The following SCUBE1 variants were observed in gnomAD, a reference collection of about 807,000 sequenced individuals.
SCUBE1 encodes signal peptide, CUB domain and EGF like domain containing 1.
SCUBE1 carries 59 observed loss-of-function variants against 124.4 expected under a neutral mutation model. That is an observed-to-expected ratio of 0.47 (90% CI 0.38 to 0.59). The LOEUF (loss-of-function observed/expected upper bound fraction) is 0.59. Ranked by LOEUF, SCUBE1 falls within the 20% of genes least tolerant of loss-of-function variation. The probability of loss-of-function intolerance (pLI) is 0.00; values close to 1 mark genes in which losing one functional copy is unlikely to be tolerated. For synonymous variants in SCUBE1, 545 were observed against 550.9 expected, an observed-to-expected ratio of 0.99 and a Z score of 0.15; for missense variants, 1,150 against 1,371.2, an observed-to-expected ratio of 0.84 and a Z score of 2.55.
At chr22:43,231,652 C>T (rs1339829293) in intron 8 of SCUBE1, 101 bp downstream of exon 8, 2 of 1,433,650 alleles carry the variant, frequency 1.4e-6, no homozygotes, top group African/African-American at 2.8e-5. Flanking sequence ...CCAGCCCCAT[C>T]CGCATTCCCC....
Position 43,339,200 on chromosome 22 carries a change from C to G in SCUBE1, c.124G>C (p.Asp42His). Residue 42 changes from aspartate to histidine, a missense_variant, in exon 2 of 22, where the codon GAT (aspartate) becomes CAT (histidine). Physicochemically the swap from Asp to His is moderately conservative, Grantham distance 81 (BLOSUM62 -1). This residue lies in a region of SCUBE1 where 337 missense variants were observed against 482.1 expected (regional missense o/e 0.70). Coordinates refer to ENST00000360835, the MANE Select transcript of SCUBE1 (RefSeq NM_173050.5). The stretch of plus-strand genomic sequence containing the variant: ...CAGATGGCATCGATGTGGCAGTCAT[C>G]TGTGCCCTCTGAGCACTCATCCACG... ...VDVDECSEGT[D>H]DCHIDAICQN... 1.2e-6 allele frequency: 2 copies of G among 1,613,816 alleles called. No individual in the cohort carries two copies. Among genetic ancestry groups the G allele is most frequent in the Middle Eastern group, 1.7e-4 (1 of 6,058 alleles).
intron 6 of SCUBE1, among the ~76,000 whole-genome samples, chr22:43,242,983 C>G: frequency 6.6e-6 from 1 of 152,230 alleles, no homozygotes; most frequent in South Asian, 2.1e-4. Context: ...TTTGTGGAAC[C>G]CAGCGCAAAA....
rs186808983 is a variant in SCUBE1 at position 43,257,744 on chromosome 22, T to C, written c.727+475A>G. 5.3e-5 allele frequency among the ~76,000 whole-genome samples: 8 copies of C among 152,356 alleles called. No individual in the cohort carries two copies. In the East Asian group the frequency reaches 1.2e-3, roughly 22 times the overall value. On this transcript the variant is annotated intron_variant, in intron 6 of 21. Transcript: ENST00000360835. ...AAAGCAAAGTTCTGAGGAAACCTCT[T>C]AGTTTTCCAGACGGCTGTGGGCAGC...
At position 43,314,323 on chromosome 22, in the gene SCUBE1, C is replaced by T. The variant is rs530278202; in HGVS notation, c.349+5614G>A. ...TAATAGGGAGTGGTGGAGACTGTGG[C>T]GAACAAGAGAGTACACACCCCCTCT... On this transcript the variant is annotated intron_variant, in intron 3 of 21. Transcript: ENST00000360835. Among the ~76,000 whole-genome samples the T allele has an allele frequency of 9.9e-5, 15 of 152,198 alleles. No homozygotes were observed. In the South Asian group the frequency reaches 3.1e-3, roughly 32 times the overall value.
At chr22:43,227,661 G>T (rs1032322775) in intron 9 of SCUBE1, among the ~76,000 whole-genome samples, 165 bp from the exon 10 acceptor site, 1 of 152,106 alleles carries the variant, frequency 6.6e-6, no homozygotes, top group Non-Finnish European at 1.5e-5. Flanking sequence ...ACACACACGC[G>T]TGGGTTTATA....
intron 15 of SCUBE1, among the ~76,000 whole-genome samples, chr22:43,214,748 G>A (rs1357400955): frequency 9.9e-5 from 15 of 152,220 alleles, no homozygotes; most frequent in Admixed American, 3.9e-4. Context: ...GGGGCGTAGC[G>A]AGGAGATGAT....
chr22:43,257,003 C>T (rs1425580181), intron 6 of SCUBE1, among the ~76,000 whole-genome samples: 2 of 152,212 alleles, frequency 1.3e-5, no homozygotes, highest in African/African-American at 4.8e-5. Context: ...AATCAGGGAC[C>T]ATCACCAGAA....
rs1025013136 is a variant in SCUBE1, at chr22:43,212,563, C to T, written c.2083G>A (p.Asp695Asn). Residue 695 changes from aspartate to asparagine, a missense_variant, in exon 17 of 22, where the codon GAT becomes AAT. Coordinates refer to ENST00000360835, the MANE Select transcript of SCUBE1 (RefSeq NM_173050.5). ...GQCSPGFFSA[D>N]GFKPCQACPV... The stretch of plus-strand genomic sequence containing the variant: ...CAGGCCTGGCAGGGCTTGAAGCCAT[C>T]GGCCGAGAAGAAGCCTGGAGAACAC... 25 of 1,566,374 alleles carry T rather than the reference C, an allele frequency of 1.6e-5. No homozygotes were observed. Among genetic ancestry groups the T allele is most frequent in the Admixed American group, 7.5e-5 (4 of 53,282 alleles).
At chr22:43,313,946 C>G (rs536734141) in intron 3 of SCUBE1, among the ~76,000 whole-genome samples, 50 of 152,306 alleles carry the variant, frequency 3.3e-4, no homozygotes, top group African/African-American at 1.2e-3. Context: ...TATCCCAGCC[C>G]CCATCCCTAA....
intron 7 of SCUBE1, among the ~76,000 whole-genome samples, chr22:43,236,923 TC>T (rs1308929945): frequency 1.3e-5 from 2 of 152,162 alleles, no homozygotes; most frequent in Non-Finnish European, 2.9e-5. Flanking sequence ...ACACACCTGT[TC>T]CGTGAGCGAG....
rs770661435 is a variant in SCUBE1, at chr22:43,214,093, C to T, written c.2050G>A (p.Gly684Arg). 3 of 1,433,514 alleles carry T rather than the reference C, an allele frequency of 2.1e-6. No homozygotes were observed. The highest frequency in any genetic ancestry group is 1.9e-6 in the Non-Finnish European group (2 of 1,067,114). The allele number at this position is 1,433,514 out of a possible 1,614,324, so 88.8% of individuals were successfully genotyped here. A position where few individuals can be genotyped will look rare whatever the true frequency, so the allele number is the denominator to read the frequency against. The change falls in exon 16 of 22, where the codon GGA (glycine) becomes AGA (arginine). Residue 684 changes from glycine (G) to arginine (R), a missense_variant. Around this residue, in one of 3 missense-constraint regions of SCUBE1, gnomAD observed 757 missense variants for 840.9 expected, o/e 0.90. Coordinates refer to ENST00000360835, the MANE Select transcript of SCUBE1 (RefSeq NM_173050.5). ...LPGARNVSEC[G>R]GQCSPGFFSA... is the part of the protein sequence containing the mutation. ...CTCCTTCTAGGCCCGCACTTGCCTC[C>T]ACATTCCGACACGTTGCGGGCACCA...
Position 43,343,223 on chromosome 22 carries a change from C to T in SCUBE1, c.39G>A (p.Leu13=). 2 of 1,214,936 alleles carry T rather than the reference C, an allele frequency of 1.6e-6. No homozygotes were observed. The highest frequency in any genetic ancestry group is 3.2e-5 in the African/African-American group (2 of 62,336). The allele number at this position is 1,214,936 out of a possible 1,614,324, so 75.3% of individuals were successfully genotyped here. ...AAAVRWHLCV[L]LALGTRGRLA... Reference sequence around the variant, plus strand: ...GCCGCCCGCGTGTGCCCAGGGCCAGCAGCACGCACAAGTGCCAGCGCACGG... The same window carrying T: ...GCCGCCCGCGTGTGCCCAGGGCCAGTAGCACGCACAAGTGCCAGCGCACGG... Residue 13 remains leucine (L), a synonymous_variant, in exon 1 of 22, where the codon CTG becomes CTA. Transcript: ENST00000360835.
chr22:43,240,892 C>T (rs1922978185), intron 6 of SCUBE1, among the ~76,000 whole-genome samples: 1 of 152,164 alleles, frequency 6.6e-6, no homozygotes, highest in Admixed American at 6.5e-5. Context: ...AGAGAATGTG[C>T]CTGTTTTCCA....
chr22:43,304,867 C>T (rs945479368), intron 3 of SCUBE1, among the ~76,000 whole-genome samples: 2 of 152,120 alleles, frequency 1.3e-5, no homozygotes, highest in African/African-American at 4.8e-5. Flanking sequence ...CCTTTGCACA[C>T]CCCTAGTATT....
intron 6 of SCUBE1, among the ~76,000 whole-genome samples, chr22:43,257,151 C>T (rs545052505): frequency 6.0e-4 from 92 of 152,344 alleles, no homozygotes; most frequent in African/African-American, 1.9e-3. Context: ...GCCTGGTGCC[C>T]GCTCGGGCCC....
intron 6 of SCUBE1, among the ~76,000 whole-genome samples, chr22:43,256,896 G>A (rs1923682581): frequency 6.6e-6 from 1 of 152,226 alleles, no homozygotes; most frequent in South Asian, 2.1e-4. Context: ...CTGAGACCGG[G>A]TTTGGCTTTT....
At chr22:43,304,802 C>T (rs917542595) in intron 3 of SCUBE1, among the ~76,000 whole-genome samples, 4 of 152,170 alleles carry the variant, frequency 2.6e-5, no homozygotes, top group Admixed American at 1.3e-4. Context: ...CTCCACCCCC[C>T]GCAGGGGACC....
chr22:43,322,004 T>G (rs914780596), intron 2 of SCUBE1, among the ~76,000 whole-genome samples: 3 of 152,190 alleles, frequency 2.0e-5, no homozygotes, highest in African/African-American at 7.2e-5. Flanking sequence ...TTTATTTTTT[T>G]GTCAGTGTCT....
intron 4 of SCUBE1, among the ~76,000 whole-genome samples, chr22:43,266,477 A>G (rs1924070390): frequency 6.6e-6 from 1 of 152,226 alleles, no homozygotes; most frequent in Non-Finnish European, 1.5e-5. Flanking sequence ...GGCCACAAGC[A>G]GATAGGCTCC....
Sources: allele counts gnomAD v4.1 joint callset (sites outside exome capture counted in the v4.1 genomes callset), GRCh38; gene constraint gnomAD v4.1.1; regional missense constraint gnomAD v4.1.1; transcripts MANE v1.5; gene names NCBI Gene and HGNC (gene_info 2026-07-23, HGNC 2026-07-21).